TENM4: variants seen among roughly 807,000 people sequenced by gnomAD.
The protein encoded by TENM4 is teneurin transmembrane protein 4, also known as teneurin-4.
In TENM4, 82 loss-of-function variants were observed where a neutral mutation model predicts 243.3. The observed-to-expected ratio is 0.34, with a 90% CI of 0.28 to 0.40. The LOEUF (loss-of-function observed/expected upper bound fraction) is 0.40, where lower values mean the gene tolerates loss of function less well. Ranked by LOEUF, TENM4 falls within the 10% of genes least tolerant of loss-of-function variation. The pLI is 1.00. For synonymous variants in TENM4, 1,412 were observed against 1,456.3 expected, an observed-to-expected ratio of 0.97 and a Z score of 0.69; for missense variants, 3,138 against 3,673.3, an observed-to-expected ratio of 0.85 and a Z score of 3.77.
At position 78,771,273 on chromosome 11, in the gene TENM4, G is replaced by C. The variant is rs1856642313; in HGVS notation, c.2393-135C>G. The stretch of plus-strand genomic sequence containing the variant: ...ACGAATGCCCACAGCAGCCCAGGGA[G>C]GTAGGTATCATTAGGAATTGCCACT... On this transcript the variant is annotated intron_variant, in intron 17 of 33. Coordinates refer to ENST00000278550, the MANE Select transcript of TENM4 (RefSeq NM_001098816.3). 7 of 1,137,730 alleles carry C rather than the reference G, an allele frequency of 6.2e-6. No homozygotes were observed. The South Asian group carries it at 1.1e-4, about 18-fold the overall frequency. The allele number at this position is 1,137,730 out of a possible 1,614,324, so 70.5% of individuals were successfully genotyped here.
intron 33 of TENM4, among the ~76,000 whole-genome samples, chr11:78,659,893 C>T (rs960516622): frequency 1.3e-5 from 2 of 152,252 alleles, no homozygotes; most frequent in Admixed American, 6.5e-5. Flanking sequence ...ACAGGCCTAT[C>T]GGCTTCTCAC....
intron 9 of TENM4, among the ~76,000 whole-genome samples, chr11:78,871,504 G>A (rs147802926): frequency 6.0e-4 from 91 of 152,292 alleles, no homozygotes; most frequent in African/African-American, 1.9e-3. Flanking sequence ...CCCACTCACC[G>A]CACAGATGAA....
intron 2 of TENM4, 37 bp from the exon 3 acceptor site, chr11:79,215,946 G>T: frequency 1.3e-6 from 1 of 790,558 alleles, no homozygotes; most frequent in South Asian, 5.7e-5. Context: ...ACTGAGTGAG[G>T]TGGCAAGATG....
intron 2 of TENM4, among the ~76,000 whole-genome samples, chr11:79,243,262 C>T (rs935733080): frequency 6.6e-6 from 1 of 152,042 alleles, no homozygotes; most frequent in Non-Finnish European, 1.5e-5. Flanking sequence ...TTATCAGACT[C>T]CAGGTATTGT....
Position 78,908,608 on chromosome 11 carries a change from C to G in TENM4, c.494-5085G>C, listed in dbSNP as rs117871194. ...TGGACAACCTGCTGGCTCCTAGGAG[C>G]TCTAGTCGCAGGAGGGTGCCTGTAG... On this transcript the variant is annotated intron_variant, in intron 6 of 33. Transcript: ENST00000278550. Among the ~76,000 whole-genome samples the G allele has an allele frequency of 9.3e-3, 1,417 of 152,320 alleles. 28 individuals are homozygous for G. The highest frequency in any genetic ancestry group is 0.012 in the Admixed American group (183 of 15,308).
intron 30 of TENM4, among the ~76,000 whole-genome samples, chr11:78,675,059 G>T (rs189833964): frequency 2.6e-5 from 4 of 152,144 alleles, no homozygotes; most frequent in Admixed American, 2.6e-4. Flanking sequence ...TAGAGATGAA[G>T]TTTCACCGTG....
chr11:79,104,821 T>A (rs1329205335), intron 4 of TENM4, among the ~76,000 whole-genome samples: 1 of 152,202 alleles, frequency 6.6e-6, no homozygotes, highest in Non-Finnish European at 1.5e-5. Flanking sequence ...CACAAAGCAC[T>A]TTACAAGGCT....
intron 2 of TENM4, among the ~76,000 whole-genome samples, chr11:79,288,418 T>C (rs1856294869): frequency 6.6e-6 from 1 of 152,250 alleles, no homozygotes; most frequent in Admixed American, 6.5e-5. Flanking sequence ...GTAACTCTTA[T>C]CACTCTGCAG....
intron 6 of TENM4, among the ~76,000 whole-genome samples, chr11:78,986,481 ACCC>A (rs2136645763): frequency 6.6e-6 from 1 of 152,254 alleles, no homozygotes; most frequent in East Asian, 1.9e-4. Context: ...AGGTTCTCTG[ACCC>A]CTGGCATAGT....
At chr11:79,095,593 G>A (rs1055664323) in intron 4 of TENM4, among the ~76,000 whole-genome samples, 4 of 152,116 alleles carry the variant, frequency 2.6e-5, no homozygotes, top group Non-Finnish European at 5.9e-5. Flanking sequence ...CCAGGGACCC[G>A]GTGACCTCCA....
intron 1 of TENM4, among the ~76,000 whole-genome samples, chr11:79,439,415 C>G (rs1363704484): frequency 6.6e-6 from 1 of 152,106 alleles, no homozygotes; most frequent in East Asian, 1.9e-4. Flanking sequence ...TACACTCATC[C>G]ACATGGACGC....
At chr11:78,802,649 A>G (rs1857303588) in intron 15 of TENM4, among the ~76,000 whole-genome samples, 1 of 152,226 alleles carries the variant, frequency 6.6e-6, no homozygotes, top group Non-Finnish European at 1.5e-5. Flanking sequence ...CCACTCCTCT[A>G]GCCTCATCAC....
intron 12 of TENM4, among the ~76,000 whole-genome samples, chr11:78,825,761 C>T (rs922482116): frequency 9.2e-5 from 14 of 152,150 alleles, no homozygotes; most frequent in African/African-American, 2.9e-4. Context: ...AGAGCCAGAT[C>T]CAGAATAATC....
intron 18 of TENM4, among the ~76,000 whole-genome samples, chr11:78,761,827 G>A (rs1286799573): frequency 6.6e-6 from 1 of 151,908 alleles, no homozygotes; most frequent in Non-Finnish European, 1.5e-5. Context: ...CTTTATGCAG[G>A]GCCTCAGTTC....
chr11:78,832,466 A>G (rs955671620), intron 12 of TENM4, among the ~76,000 whole-genome samples: 1 of 152,262 alleles, frequency 6.6e-6, no homozygotes, highest in East Asian at 1.9e-4. Context: ...ACACCAATAC[A>G]TATGTTTGTA....
chr11:79,183,200 T>A (rs1863317088), intron 3 of TENM4, among the ~76,000 whole-genome samples: 1 of 152,126 alleles, frequency 6.6e-6, no homozygotes, highest in Admixed American at 6.5e-5. Flanking sequence ...CTGTGGTACA[T>A]CCAGACAATG....
intron 6 of TENM4, among the ~76,000 whole-genome samples, chr11:79,031,809 A>G (rs1859246225): frequency 6.6e-6 from 1 of 152,214 alleles, no homozygotes; most frequent in South Asian, 2.1e-4. Flanking sequence ...TTGGTTCTTA[A>G]CATGAGCAAT....
chr11:78,889,770 T>C lies in TENM4; in HGVS notation c.1084+15A>G. 1 of 1,551,038 alleles carries C rather than the reference T, an allele frequency of 6.4e-7. No individual in the cohort carries two copies. Among genetic ancestry groups the C allele is most frequent in the Non-Finnish European group, 8.7e-7 (1 of 1,146,396 alleles). Reference sequence around the variant, plus strand: ...CAAAGAGGAGCAAGGGGAGCTGGGGTGAAGAGGTGCTTACCCACAAAGTAT... The same window carrying C: ...CAAAGAGGAGCAAGGGGAGCTGGGGCGAAGAGGTGCTTACCCACAAAGTAT... On this transcript the variant is annotated intron_variant, in intron 9 of 33. Transcript: ENST00000278550.
intron 2 of TENM4, among the ~76,000 whole-genome samples, chr11:79,270,802 G>T (rs1855955634): frequency 6.6e-6 from 1 of 152,144 alleles, no homozygotes; most frequent in Non-Finnish European, 1.5e-5. Flanking sequence ...TGTATAATTT[G>T]CAGGGCAGTT....
Sources: allele counts gnomAD v4.1 joint callset (sites outside exome capture counted in the v4.1 genomes callset), GRCh38; gene constraint gnomAD v4.1.1; transcripts MANE v1.5; gene names NCBI Gene and HGNC (gene_info 2026-07-23, HGNC 2026-07-21).